Variants in PTPRN2 observed in about 807,000 individuals in gnomAD.
The protein encoded by PTPRN2 is protein tyrosine phosphatase receptor type N2.
PTPRN2 carries 74 observed loss-of-function variants against 118.8 expected under a neutral mutation model. The ratio of observed to expected loss-of-function variants is 0.62; its 90% CI spans 0.52 to 0.76. PTPRN2 has a LOEUF of 0.76. Among genes scored for constraint, PTPRN2 ranks in the 30% least tolerant of loss-of-function variants. The pLI is 0.00. For missense variants in PTPRN2, 1,481 were observed against 1,394.4 expected (o/e 1.06, Z -0.99); for synonymous variants, 641 against 608.0 (o/e 1.05, Z -0.80).
At chr7:158,408,997 T>TAAA (rs398048224) in intron 2 of PTPRN2, among the ~76,000 whole-genome samples, 3 of 146,320 alleles carry the variant, frequency 2.1e-5, no homozygotes. Flanking sequence ...TCTCCTTAAT[T>TAAA]AAAAAAAAAA....
chr7:158,443,717 C>T (rs937129356), intron 2 of PTPRN2, among the ~76,000 whole-genome samples: 1 of 152,178 alleles, frequency 6.6e-6, no homozygotes, highest in African/African-American at 2.4e-5. Context: ...CCATGAGGTC[C>T]TTCCTAAAAG....
At chr7:158,224,291 A>G (rs1421389531) in intron 3 of PTPRN2, among the ~76,000 whole-genome samples, 1 of 152,214 alleles carries the variant, frequency 6.6e-6, no homozygotes, top group Non-Finnish European at 1.5e-5. Context: ...AGAGTAGCTA[A>G]AACAATTTGG....
intron 6 of PTPRN2, among the ~76,000 whole-genome samples, chr7:158,149,393 A>G (rs548840542): frequency 1.4e-4 from 21 of 152,308 alleles, no homozygotes; most frequent in African/African-American, 4.8e-4. Context: ...TTTTCAGTAT[A>G]AACTCTTAAA....
At chr7:158,106,672 C>A (rs898089555) in intron 10 of PTPRN2, among the ~76,000 whole-genome samples, 27 of 152,216 alleles carry the variant, frequency 1.8e-4, no homozygotes, top group Non-Finnish European at 2.9e-5. Flanking sequence ...ATAACCCTGT[C>A]ACACTATCTG....
intron 12 of PTPRN2, among the ~76,000 whole-genome samples, chr7:157,818,059 ATGTGTGGTG>A (rs56080674): frequency 0.091 from 13,599 of 149,740 alleles, 946 homozygotes; most frequent in East Asian, 0.22. Flanking sequence ...GATGTGTGGC[ATGTGTGGTG>A]TGTGTGGTGT....
chr7:157,817,872 C>G (rs1806518501), intron 12 of PTPRN2, among the ~76,000 whole-genome samples: 1 of 150,694 alleles, frequency 6.6e-6, no homozygotes, highest in Middle Eastern at 3.2e-3. Flanking sequence ...GGTGAGTGCA[C>G]ATGATGTTTG....
At chr7:158,396,582 C>A (rs1427717161) in intron 2 of PTPRN2, among the ~76,000 whole-genome samples, 3 of 152,002 alleles carry the variant, frequency 2.0e-5, no homozygotes, top group Non-Finnish European at 4.4e-5. Flanking sequence ...GACAAGCAGC[C>A]AGGATGTTAG....
intron 12 of PTPRN2, among the ~76,000 whole-genome samples, chr7:157,707,885 A>G (rs1798414022): frequency 6.6e-6 from 1 of 152,264 alleles, no homozygotes; most frequent in East Asian, 1.9e-4. Flanking sequence ...CACTGCGCCC[A>G]GCCAGAGGAA....
intron 1 of PTPRN2, among the ~76,000 whole-genome samples, chr7:158,536,876 A>G (rs1483935132): frequency 1.3e-5 from 2 of 152,232 alleles, no homozygotes; most frequent in African/African-American, 4.8e-5. Flanking sequence ...ACTCAGGAAA[A>G]CAACTGAGCA....
In PTPRN2 at chr7:157,734,265, G is replaced by A. The variant is rs1391000521; in HGVS notation, c.1789-51328C>T. On this transcript the variant is annotated intron_variant, in intron 12 of 22. Transcript: ENST00000389418. ...CCCAGCACACTCTTCCGTCCCATGT[G>A]CCCAGTGCAGTCTTCCGTCCCATGC... is the stretch of plus-strand genomic sequence containing the variant. Among the ~76,000 whole-genome samples the A allele has an allele frequency of 2.9e-5, 2 of 68,698 alleles. 1 individual carries two copies. The highest frequency in any genetic ancestry group is 7.2e-5 in the Non-Finnish European group (2 of 27,612). 45.1% of individuals were successfully genotyped at this position (68,698 alleles called of 152,430 possible). A position where few individuals can be genotyped will look rare whatever the true frequency, so the allele number is the denominator to read the frequency against.
rs724159887 is a variant in PTPRN2 at position 158,167,071 on chromosome 7, G to T, written c.770C>A (p.Pro257His). Residue 257 changes from proline to histidine, a missense_variant, in exon 6 of 23, where the codon CCC (proline) becomes CAC (histidine). By Grantham distance (77) the Pro-to-His change is moderately conservative. This residue lies in a region of PTPRN2 where 1,115 missense variants were observed against 994.2 expected (regional missense o/e 1.12). Transcript: ENST00000389418. ...SAYAAQRPPA[P>H]PGEGSLEPQY... is the part of the protein sequence containing the mutation. ...TGGCTCCAGGCTGCCCTCCCCGGGG[G>T]GAGCTGGGGGCCTCTGGGCAGCATA... 1.3e-6 allele frequency: 2 copies of T among 1,596,204 alleles called. No individual in the cohort carries two copies. Among genetic ancestry groups the T allele is most frequent in the Non-Finnish European group, 8.5e-7 (1 of 1,169,850 alleles).
Position 158,149,061 on chromosome 7 carries a change from G to C in PTPRN2, c.911-10546C>G, listed in dbSNP as rs62480231. 5.5e-4 allele frequency among the ~76,000 whole-genome samples: 9 copies of C among 16,370 alleles called. 1 individual carries two copies. Among genetic ancestry groups the C allele is most frequent in the East Asian group, 4.8e-3 (3 of 628 alleles). The allele number at this position is 16,370 out of a possible 152,430, so 10.7% of individuals were successfully genotyped here. ...CCCTCTCACTGACACCCCATCTCATGCCACGTGTCATTCCCCCTCACTGAC... is the reference window on the plus strand; with the variant it reads ...CCCTCTCACTGACACCCCATCTCATCCCACGTGTCATTCCCCCTCACTGAC... On this transcript the variant is annotated intron_variant, in intron 6 of 22. Transcript: ENST00000389418.
intron 12 of PTPRN2, among the ~76,000 whole-genome samples, chr7:157,800,690 G>C (rs962910772): frequency 2.6e-5 from 4 of 151,918 alleles, no homozygotes; most frequent in Non-Finnish European, 5.9e-5. Context: ...CGGTGGCTCA[G>C]GCCTGTAATC....
In PTPRN2 at chr7:157,539,891, T is replaced by C. The variant is rs1797936636; in HGVS notation, c.*823A>G. 6.6e-6 allele frequency: 1 copy of C among 152,256 alleles called. No homozygotes were observed. The highest frequency in any genetic ancestry group is 1.5e-5 in the Non-Finnish European group (1 of 68,058). The allele number at this position is 152,256 out of a possible 1,614,324, so 9.4% of individuals were successfully genotyped here. ...CTTGCTCAATGCCCAGATTTGTTCT[T>C]CCTGGTTGTGGTTATCTCACAGGTA... On this transcript the variant is annotated 3_prime_UTR_variant, in exon 23 of 23. Transcript: ENST00000389418.
At chr7:158,132,268 TACAC>T (rs370186203) in intron 9 of PTPRN2, among the ~76,000 whole-genome samples, 58 of 139,368 alleles carry the variant, frequency 4.2e-4, no homozygotes, top group Non-Finnish European at 7.1e-4. Context: ...TACACACTCA[TACAC>T]ACACACACGC....
At chr7:157,802,116 C>G (rs748799121) in intron 12 of PTPRN2, among the ~76,000 whole-genome samples, 1 of 152,186 alleles carries the variant, frequency 6.6e-6, no homozygotes, top group African/African-American at 2.4e-5. Context: ...CGAGGCCCAC[C>G]GTGTTGACAC....
At chr7:157,586,590 C>T (rs1306058927) in intron 17 of PTPRN2, among the ~76,000 whole-genome samples, 1 of 152,162 alleles carries the variant, frequency 6.6e-6, no homozygotes, top group Non-Finnish European at 1.5e-5. Flanking sequence ...ACTCAGGGCC[C>T]CTGCTGCTGG....
chr7:157,978,970 G>T (rs117512198), intron 11 of PTPRN2, among the ~76,000 whole-genome samples: 31 of 152,192 alleles, frequency 2.0e-4, no homozygotes, highest in African/African-American at 6.5e-4. Flanking sequence ...AGGCCCAGAG[G>T]GGGGTGGCTC....
intron 2 of PTPRN2, among the ~76,000 whole-genome samples, chr7:158,478,195 G>A (rs1214808260): frequency 3.3e-5 from 5 of 152,202 alleles, no homozygotes; most frequent in Admixed American, 1.3e-4. Context: ...GAATGAAGAA[G>A]GCTCAGCCCA....
Sources: allele counts gnomAD v4.1 joint callset (sites outside exome capture counted in the v4.1 genomes callset), GRCh38; gene constraint gnomAD v4.1.1; regional missense constraint gnomAD v4.1.1; transcripts MANE v1.5; gene names NCBI Gene and HGNC (gene_info 2026-07-23, HGNC 2026-07-21).